The following MED13L variants were observed in gnomAD, a reference collection of about 807,000 sequenced individuals.
The protein encoded by MED13L is mediator complex subunit 13L, also known as mediator of RNA polymerase II transcription subunit 13-like.
A neutral mutation model predicts 220.9 loss-of-function variants in MED13L; 7 were observed. The ratio of observed to expected loss-of-function variants is 0.03; its 90% CI spans 0.02 to 0.06. The LOEUF is 0.06. MED13L is among the 10% of genes least tolerant of loss of function. The pLI, the probability that MED13L is intolerant of heterozygous loss-of-function variation, is 1.00. For missense variants in MED13L, 1,965 were observed against 2,760.5 expected, an observed-to-expected ratio of 0.71 and a Z score of 6.46; for synonymous variants, 1,011 against 1,015.2, an observed-to-expected ratio of 1.00 and a Z score of 0.08.
At chr12:115,995,659 G>A (rs1364397588) in intron 16 of MED13L, among the ~76,000 whole-genome samples, 1 of 152,146 alleles carries the variant, frequency 6.6e-6, no homozygotes, top group Non-Finnish European at 1.5e-5. Context: ...CTGAGCTCAA[G>A]CAATCCATCC....
At chr12:116,251,372 C>T (rs1249202607) in intron 1 of MED13L, among the ~76,000 whole-genome samples, 2 of 128,502 alleles carry the variant, frequency 1.6e-5, no homozygotes, top group East Asian at 2.3e-4. Flanking sequence ...GTGTTAGCCA[C>T]GATGGTCTCG....
intron 13 of MED13L, among the ~76,000 whole-genome samples, chr12:116,005,218 C>A (rs1690510708): frequency 6.6e-6 from 1 of 152,200 alleles, no homozygotes; most frequent in Non-Finnish European, 1.5e-5. Context: ...ATCTCTAGAT[C>A]TCCCAGAAAA....
chr12:116,018,138 T>C (rs1322141830), intron 7 of MED13L, among the ~76,000 whole-genome samples: 1 of 152,176 alleles, frequency 6.6e-6, no homozygotes, highest in Non-Finnish European at 1.5e-5. Context: ...TATTACCTAG[T>C]ATGTACAACA....
intron 2 of MED13L, among the ~76,000 whole-genome samples, chr12:116,156,832 C>T (rs1275003680): frequency 6.6e-6 from 1 of 152,098 alleles, no homozygotes; most frequent in African/African-American, 2.4e-5. Context: ...AAATATCTCC[C>T]TTTGCCTTTT....
At chr12:116,150,131 C>T (rs1472649702) in intron 2 of MED13L, among the ~76,000 whole-genome samples, 1 of 152,196 alleles carries the variant, frequency 6.6e-6, no homozygotes, top group Non-Finnish European at 1.5e-5. Flanking sequence ...TCTGTAAAGA[C>T]CTAATTGGAA....
intron 2 of MED13L, among the ~76,000 whole-genome samples, chr12:116,228,639 C>T (rs954342886): frequency 1.3e-5 from 2 of 152,158 alleles, no homozygotes; most frequent in African/African-American, 4.8e-5. Flanking sequence ...ATAATGTGAA[C>T]AGTACAACCA....
chr12:115,961,359 C>T lies in MED13L; in HGVS notation c.6540G>A (p.Thr2180=), dbSNP rs371240974. ...TACGGTCCTGGGTGGCCGGATTGCA[C>T]GTGAGCCAGGACAGAGCGTTGTACT... ...LEQYNALSWL[T]CNPATQDRTS... is the part of the protein sequence containing the mutation. Residue 2180 remains threonine (T), a synonymous_variant, in exon 31 of 31, where the codon ACG becomes ACA. Transcript: ENST00000281928. 18 of 1,614,072 alleles carry T rather than the reference C, an allele frequency of 1.1e-5. No homozygotes were observed. The highest frequency in any genetic ancestry group is 8.9e-5 in the East Asian group (4 of 44,878).
rs1719695121 is a variant in MED13L at position 115,960,602 on chromosome 12, C to G, written c.*664G>C. ...CTGAATTGGGTTTCAGCTACTGTAC[C>G]TGGTCCTTGTGAATTAAAAAAATAA... is the stretch of plus-strand genomic sequence containing the variant. On this transcript the variant is annotated 3_prime_UTR_variant, in exon 31 of 31. Transcript: ENST00000281928. 1 of 156,990 alleles carries G rather than the reference C, an allele frequency of 6.4e-6. No individual in the cohort carries two copies. The highest frequency in any genetic ancestry group is 6.0e-5 in the Admixed American group (1 of 16,642). 9.7% of individuals were successfully genotyped at this position (156,990 alleles called of 1,614,324 possible).
chr12:115,963,861 TCAC>T (rs1405361838), intron 29 of MED13L, among the ~76,000 whole-genome samples: 1 of 152,168 alleles, frequency 6.6e-6, no homozygotes, highest in South Asian at 2.1e-4. Context: ...TTATCAATAT[TCAC>T]CACTTTTCTG....
chr12:116,106,605 G>A (rs1290797911), intron 3 of MED13L, among the ~76,000 whole-genome samples: 2 of 152,216 alleles, frequency 1.3e-5, no homozygotes, highest in African/African-American at 4.8e-5. Context: ...AGCACTGTGG[G>A]AGGCCGAAGT....
At chr12:116,263,869 T>C (rs542512426) in intron 1 of MED13L, among the ~76,000 whole-genome samples, 96 of 152,260 alleles carry the variant, frequency 6.3e-4, no homozygotes, top group African/African-American at 2.2e-3. Flanking sequence ...CAATATCCTG[T>C]CTTGCCAATC....
intron 4 of MED13L, among the ~76,000 whole-genome samples, chr12:116,079,118 T>C (rs1036081761): frequency 1.3e-5 from 2 of 152,228 alleles, no homozygotes; most frequent in African/African-American, 4.8e-5. Context: ...TAAAATATAG[T>C]CATTTTAGTT....
intron 4 of MED13L, among the ~76,000 whole-genome samples, chr12:116,056,986 T>A (rs1205339865): frequency 6.6e-6 from 1 of 152,240 alleles, no homozygotes; most frequent in Non-Finnish European, 1.5e-5. Flanking sequence ...TTGGTTATTG[T>A]ATTTTCTCCA....
At chr12:116,233,923 T>C (rs532849643) in intron 2 of MED13L, among the ~76,000 whole-genome samples, 2 of 152,164 alleles carry the variant, frequency 1.3e-5, no homozygotes, top group Non-Finnish European at 2.9e-5. Flanking sequence ...CAGAGATATG[T>C]CAAGCAATTA....
chr12:116,243,385 C>T lies in MED13L; in HGVS notation c.73-5680G>A, dbSNP rs1593202257. The stretch of plus-strand genomic sequence containing the variant: ...CAAGTTTAGTGTTCCAATAATGGAA[C>T]ATTAGGCATAAATGGGTTAAGTGGC... On this transcript the variant is annotated intron_variant, in intron 1 of 30. Coordinates refer to ENST00000281928, the MANE Select transcript of MED13L (RefSeq NM_015335.5). Among the ~76,000 whole-genome samples the T allele has an allele frequency of 2.6e-5, 4 of 152,156 alleles. No individual in the cohort carries two copies. In the South Asian group the frequency reaches 8.3e-4, roughly 32 times the overall value.
At chr12:116,258,485 G>A (rs1018343305) in intron 1 of MED13L, among the ~76,000 whole-genome samples, 1 of 151,768 alleles carries the variant, frequency 6.6e-6, no homozygotes, top group Non-Finnish European at 1.5e-5. Flanking sequence ...ATTATAAAAA[G>A]AAAAAGAACG....
intron 4 of MED13L, among the ~76,000 whole-genome samples, chr12:116,043,156 T>TC (rs1464944893): frequency 6.6e-6 from 1 of 152,056 alleles, no homozygotes; most frequent in Non-Finnish European, 1.5e-5. Context: ...AATGGTTCTA[T>TC]CCCCCTCTCC....
chr12:116,143,268 G>T (rs771578195), intron 2 of MED13L, among the ~76,000 whole-genome samples: 2 of 151,784 alleles, frequency 1.3e-5, no homozygotes, highest in African/African-American at 2.4e-5. Context: ...CAGCACTCAG[G>T]GAGGCCGAGG....
intron 4 of MED13L, among the ~76,000 whole-genome samples, chr12:116,082,063 C>T (rs1871274895): frequency 6.6e-6 from 1 of 151,940 alleles, no homozygotes; most frequent in African/African-American, 2.4e-5. Flanking sequence ...AAATAGAAGG[C>T]TAAGGACAAA....
Sources: gnomAD v4.1 joint callset for allele counts (sites outside exome capture counted in the v4.1 genomes callset) on GRCh38, gnomAD v4.1.1 for gene constraint, MANE v1.5 for transcripts, NCBI Gene and HGNC (gene_info 2026-07-23, HGNC 2026-07-21) for gene names.